TRAF7: variants seen among roughly 807,000 people sequenced by gnomAD.
TRAF7 encodes the protein TNF receptor associated factor 7.
TRAF7 carries 45 observed loss-of-function variants against 89.3 expected under a neutral mutation model. That is an observed-to-expected ratio of 0.50 (90% confidence interval 0.40 to 0.65). The LOEUF is 0.65. TRAF7 is among the 30% of genes least tolerant of loss of function. The probability of loss-of-function intolerance (pLI) is 0.00; values close to 1 mark genes in which losing one functional copy is unlikely to be tolerated. For synonymous variants in TRAF7, 406 were observed against 369.2 expected, an observed-to-expected ratio of 1.10 and a Z score of -1.14; for missense variants, 677 against 918.1, an observed-to-expected ratio of 0.74 and a Z score of 3.39.
At chr16:2,172,773 C>T (rs1194471239) in intron 9 of TRAF7, among the ~76,000 whole-genome samples, 174 bp downstream of exon 9, 1 of 151,834 alleles carries the variant, frequency 6.6e-6, no homozygotes, top group East Asian at 1.9e-4. Context: ...GAGCCGAGGG[C>T]GTCCAGGAAG....
In TRAF7 at chr16:2,172,381, GC is replaced by G. The variant is rs765716964; in HGVS notation, c.659+11del. Reference sequence around the variant, plus strand: ...TCAAGCTCAGCGCCCGGAAGTAAGTGCCCCTCCCTGGGCACCTCTGCCTCCC... The same window carrying G: ...TCAAGCTCAGCGCCCGGAAGTAAGTGCCCTCCCTGGGCACCTCTGCCTCCC... On this transcript the variant is annotated splice_region_variant and intron_variant, in intron 8 of 20. Transcript: ENST00000326181. The G allele has an allele frequency of 6.2e-7, 1 of 1,611,538 alleles. No homozygotes were observed.
intron 1 of TRAF7, among the ~76,000 whole-genome samples, chr16:2,157,753 G>A (rs1324330405): frequency 6.6e-6 from 1 of 152,146 alleles, no homozygotes; most frequent in Admixed American, 6.5e-5. Context: ...GGCTTGGCAT[G>A]GGACTGGCTC....
At chr16:2,173,859 T>TTACC in intron 12 of TRAF7, 23 bp downstream of exon 12, 1 of 1,246,258 alleles carries the variant, frequency 8.0e-7, no homozygotes, top group Non-Finnish European at 1.1e-6. Flanking sequence ...CCGCCGTGGC[T>TTACC]CCCGCCCACC....
chr16:2,165,734 C>T (rs258287), intron 2 of TRAF7, 145 bp from the exon 3 acceptor site: 25 of 820,618 alleles, frequency 3.0e-5, no homozygotes, highest in Admixed American at 1.2e-4. Flanking sequence ...GTGAGTGCTG[C>T]GTGGCGTGGC....
rs372223771 is a variant in TRAF7 at position 2,165,866 on chromosome 16, G to A, written c.82-13G>A. The A allele has an allele frequency of 8.8e-4, 1,420 of 1,614,016 alleles. 23 individuals are homozygous for A. The South Asian group carries it at 0.015, about 17-fold the overall frequency. On this transcript the variant is annotated splice_polypyrimidine_tract_variant and intron_variant, in intron 2 of 20. Transcript: ENST00000326181. ...CCCGGAATGAGGCCAGGTCTCCTCCGTCCTCCCTCTAGACCAGAATGGAAA... is the reference window on the plus strand; with the variant it reads ...CCCGGAATGAGGCCAGGTCTCCTCCATCCTCCCTCTAGACCAGAATGGAAA...
At chr16:2,157,626 T>C (rs753998140) in intron 1 of TRAF7, among the ~76,000 whole-genome samples, 4 of 152,004 alleles carry the variant, frequency 2.6e-5, no homozygotes, top group Non-Finnish European at 5.9e-5. Flanking sequence ...TTGGTGTGAC[T>C]CTCGGCCAGC....
chr16:2,161,000 C>G (rs1214106825), intron 1 of TRAF7, among the ~76,000 whole-genome samples: 1 of 152,094 alleles, frequency 6.6e-6, no homozygotes, highest in East Asian at 1.9e-4. Flanking sequence ...GAGGGGAGGC[C>G]TCGGGCATCT....
Position 2,168,352 on chromosome 16 carries a change from T to C in TRAF7, c.231+184T>C. The C allele has an allele frequency of 1.8e-6, 1 of 569,342 alleles. No homozygotes were observed. Among genetic ancestry groups the C allele is most frequent in the Non-Finnish European group, 3.1e-6 (1 of 324,364 alleles). The allele number at this position is 569,342 out of a possible 1,614,324, so 35.3% of individuals were successfully genotyped here. ...CTGTGAGAAAGGAGGCTCCTGTGGC[T>C]GGACTGTGGGTGGCAGGGGGCAGCC... On this transcript the variant is annotated intron_variant, in intron 4 of 20. Coordinates refer to ENST00000326181, the MANE Select transcript of TRAF7 (RefSeq NM_032271.3). The surrounding 1 kb of genome is among the most constrained non-coding windows in gnomAD (Gnocchi z 4.1).
chr16:2,171,202 TGGGTG>T, intron 5 of TRAF7, 57 bp from the exon 6 acceptor site: 1 of 1,407,788 alleles, frequency 7.1e-7, no homozygotes, highest in South Asian at 1.2e-5. Context: ...CCTGGGTGCC[TGGGTG>T]GTGGCGGGGC....
At chr16:2,170,551 T>C (rs1215628068) in intron 4 of TRAF7, 63 bp from the exon 5 acceptor site, 3 of 1,320,248 alleles carry the variant, frequency 2.3e-6, no homozygotes, top group Non-Finnish European at 3.2e-6. Context: ...GGCTGGGTCC[T>C]GTCCTCCCCG....
At position 2,159,396 on chromosome 16, in the gene TRAF7, C is replaced by T. The variant is rs2093048497; in HGVS notation, c.-39+3538C>T. On this transcript the variant is annotated intron_variant, in intron 1 of 20. Transcript: ENST00000326181. This position sits in a 1 kb window ranked among gnomAD's most constrained non-coding sequence, Gnocchi z 6.5. Reference sequence around the variant, plus strand: ...GGACCAAGGCTGGCAGAGGCCGGGGCACCCCAGGAGCCTTCGACGTCACAC... The same window carrying T: ...GGACCAAGGCTGGCAGAGGCCGGGGTACCCCAGGAGCCTTCGACGTCACAC... 6.6e-6 allele frequency among the ~76,000 whole-genome samples: 1 copy of T among 152,192 alleles called. No homozygotes were observed. The highest frequency in any genetic ancestry group is 1.5e-5 in the Non-Finnish European group (1 of 68,014).
chr16:2,168,588 G>A lies in TRAF7; in HGVS notation c.231+420G>A, dbSNP rs895805203. The stretch of plus-strand genomic sequence containing the variant: ...GTTTGAGGAGGGGTCCTGATGAGGC[G>A]GGGGGAAAGGTGTGTGGACCTAAGC... On this transcript the variant is annotated intron_variant, in intron 4 of 20. Coordinates refer to ENST00000326181, the MANE Select transcript of TRAF7 (RefSeq NM_032271.3). The surrounding 1 kb of genome is among the most constrained non-coding windows in gnomAD (Gnocchi z 4.1). 4.0e-5 allele frequency: 7 copies of A among 173,356 alleles called. No homozygotes were observed. The highest frequency in any genetic ancestry group is 7.4e-5 in the Non-Finnish European group (6 of 81,350). 10.7% of individuals were successfully genotyped at this position (173,356 alleles called of 1,614,324 possible).
In TRAF7 at chr16:2,158,298, G is replaced by T. The variant is rs1025312027; in HGVS notation, c.-39+2440G>T. Among the ~76,000 whole-genome samples, 1 of 152,224 alleles carries T rather than the reference G, an allele frequency of 6.6e-6. No homozygotes were observed. The highest frequency in any genetic ancestry group is 2.4e-5 in the African/African-American group (1 of 41,462). ...CAACCCCTTAGTCTTTGACAGATCC[G>T]CTGCTGTCCCCAGCCTTGCTCCCTG... On this transcript the variant is annotated intron_variant, in intron 1 of 20. Transcript: ENST00000326181. The surrounding 1 kb of genome is among the most constrained non-coding windows in gnomAD (Gnocchi z 4.7).
chr16:2,175,005 C>A, intron 14 of TRAF7, 106 bp from the exon 15 acceptor site: 2 of 1,396,002 alleles, frequency 1.4e-6, no homozygotes, highest in Non-Finnish European at 2.0e-6. Context: ...GGCCCTGGGC[C>A]ATGCTGCTGG....
In TRAF7 at chr16:2,168,042, G is replaced by T. The variant is rs370411341; in HGVS notation, c.140-35G>T. On this transcript the variant is annotated intron_variant, in intron 3 of 20. Coordinates refer to ENST00000326181, the MANE Select transcript of TRAF7 (RefSeq NM_032271.3). This position sits in a 1 kb window ranked among gnomAD's most constrained non-coding sequence, Gnocchi z 4.1. ...CACCTCCCCCACATCTGCTGAGGGA[G>T]CCCCCACTGAGACGCCAGCCCTCTT... The T allele has an allele frequency of 5.1e-5, 81 of 1,597,306 alleles. No individual in the cohort carries two copies. The highest frequency in any genetic ancestry group is 3.9e-4 in the Middle Eastern group (2 of 5,118).
At chr16:2,160,148 C>T (rs1180595820) in intron 1 of TRAF7, among the ~76,000 whole-genome samples, 1 of 152,042 alleles carries the variant, frequency 6.6e-6, no homozygotes, top group Non-Finnish European at 1.5e-5. Flanking sequence ...CCCCGGAATC[C>T]CTCCTACGTG....
intron 2 of TRAF7, among the ~76,000 whole-genome samples, 168 bp downstream of exon 2, chr16:2,164,169 C>CGCGT (rs2093070268): frequency 1.8e-5 from 2 of 109,700 alleles, no homozygotes; most frequent in South Asian, 5.7e-4. Flanking sequence ...TGCGCGCGCG[C>CGCGT]GCGCGCGCGC....
intron 1 of TRAF7, among the ~76,000 whole-genome samples, chr16:2,157,026 G>T (rs2093037878): frequency 1.3e-5 from 2 of 152,106 alleles, no homozygotes; most frequent in South Asian, 2.1e-4. Context: ...GGGGTGAGGG[G>T]CTGCTGGCTT....
Position 2,173,350 on chromosome 16 carries a change from G to C in TRAF7, c.963G>C (p.Lys321Asn), listed in dbSNP as rs1430290104. Residue 321 changes from lysine to asparagine, a missense_variant, in exon 10 of 21, where the codon AAG (lysine) becomes AAC (asparagine). By Grantham distance (94) the Lys-to-Asn change is moderately conservative. Around this residue, in one of 6 missense-constraint regions of TRAF7, gnomAD observed 238 missense variants for 352.6 expected, o/e 0.67. Transcript: ENST00000326181. ...CCTTCCTGCGCTCCATGCTGGGAAAGCTCTCGGAGAAGATCGACCAGCTAG... is the reference window on the plus strand; with the variant it reads ...CCTTCCTGCGCTCCATGCTGGGAAACCTCTCGGAGAAGATCGACCAGCTAG... ...EIAFLRSMLG[K>N]LSEKIDQLEK... 1 of 1,613,642 alleles carries C rather than the reference G, an allele frequency of 6.2e-7. No individual in the cohort carries two copies. Among genetic ancestry groups the C allele is most frequent in the Non-Finnish European group, 8.5e-7 (1 of 1,180,026 alleles).
Sources: allele counts gnomAD v4.1 joint callset (sites outside exome capture counted in the v4.1 genomes callset), GRCh38; gene constraint gnomAD v4.1.1; regional missense constraint gnomAD v4.1.1; non-coding constraint Gnocchi (gnomAD v3.1); transcripts MANE v1.5; gene names NCBI Gene and HGNC (gene_info 2026-07-23, HGNC 2026-07-21).